Variants in ROS1 observed in about 807,000 individuals in gnomAD.
ROS1 encodes ROS proto-oncogene 1, receptor tyrosine kinase, also known as proto-oncogene tyrosine-protein kinase ROS.
In ROS1, 263 loss-of-function variants were observed where a neutral mutation model predicts 273.5. The ratio of observed to expected loss-of-function variants is 0.96; its 90% CI spans 0.87 to 1.06. ROS1 has a LOEUF of 1.06. Among genes scored for constraint, ROS1 ranks in the 50% least tolerant of loss-of-function variants. ROS1 has a pLI of 0.00. For missense variants in ROS1, 2,833 were observed against 2,751.1 expected (o/e 1.03, Z -0.67); for synonymous variants, 1,008 against 954.1 (o/e 1.06, Z -1.04).
intron 43 of ROS1, among the ~76,000 whole-genome samples, chr6:117,297,717 T>A (rs1357077640): frequency 6.6e-6 from 1 of 152,054 alleles, no homozygotes; most frequent in Non-Finnish European, 1.5e-5. Flanking sequence ...AAGTCAAAAA[T>A]AATAGATGTT....
chr6:117,304,390 G>C lies in ROS1; in HGVS notation c.6552-3253C>G, dbSNP rs182917935. 6.4e-4 allele frequency among the ~76,000 whole-genome samples: 98 copies of C among 152,288 alleles called. No homozygotes were observed. The Middle Eastern group carries it at 0.014, about 21-fold the overall frequency. ...GAAGCATTTTATTTTTGAAAATAAA[G>C]CTGTGATTCAAAAATATTGCCAAGG... On this transcript the variant is annotated intron_variant, in intron 42 of 43. Transcript: ENST00000368507.
chr6:117,368,722 G>A (rs571125413), intron 18 of ROS1, among the ~76,000 whole-genome samples: 5 of 152,004 alleles, frequency 3.3e-5, no homozygotes, highest in Admixed American at 2.6e-4. Flanking sequence ...GAGTATTTTA[G>A]AACAAGTATG....
chr6:117,389,227 T>C, intron 13 of ROS1, 123 bp downstream of exon 13: 1 of 1,122,422 alleles, frequency 8.9e-7, no homozygotes, highest in Non-Finnish European at 1.3e-6. Flanking sequence ...GCTAAGTAGC[T>C]GCTTCTGGTT....
At chr6:117,320,721 GC>G (rs1170337095) in intron 36 of ROS1, among the ~76,000 whole-genome samples, 2 of 152,074 alleles carry the variant, frequency 1.3e-5, no homozygotes, top group African/African-American at 4.8e-5. Context: ...TGAAAGCAAG[GC>G]CTATGATCAT....
chr6:117,402,361 C>A, intron 7 of ROS1, among the ~76,000 whole-genome samples: 1 of 152,058 alleles, frequency 6.6e-6, no homozygotes, highest in South Asian at 2.1e-4. Flanking sequence ...ACTTCCTTGC[C>A]TCCTTTAAGT....
intron 43 of ROS1, among the ~76,000 whole-genome samples, chr6:117,298,450 T>G (rs189426180): frequency 4.8e-4 from 73 of 152,358 alleles, no homozygotes; most frequent in African/African-American, 1.6e-3. Context: ...ACCCAGTTAC[T>G]GATGTTTTTC....
chr6:117,295,519 C>G (rs1188482777), intron 43 of ROS1, among the ~76,000 whole-genome samples: 2 of 152,024 alleles, frequency 1.3e-5, no homozygotes, highest in Non-Finnish European at 2.9e-5. Context: ...AGCTTCTTCA[C>G]AGCAAAGGAA....
chr6:117,310,960 A>G lies in ROS1; in HGVS notation c.6215+60T>C, dbSNP rs1196784025. On this transcript the variant is annotated intron_variant, in intron 40 of 43. Transcript: ENST00000368507. The stretch of plus-strand genomic sequence containing the variant: ...TAATTATCTTGTGTGCTTTACCTGC[A>G]CTACAGGTGATTATTGTGCCAATAT... 6 of 989,396 alleles carry G rather than the reference A, an allele frequency of 6.1e-6. No homozygotes were observed. The East Asian group carries it at 1.5e-4, about 24-fold the overall frequency. 61.3% of individuals were successfully genotyped at this position (989,396 alleles called of 1,614,324 possible).
At chr6:117,374,643 A>G (rs143693112) in intron 18 of ROS1, among the ~76,000 whole-genome samples, 1 of 152,392 alleles carries the variant, frequency 6.6e-6, no homozygotes, top group Non-Finnish European at 1.5e-5. Context: ...AATTAAACTA[A>G]AAAGCTTCTG....
At position 117,319,896 on chromosome 6, in the gene ROS1, C is replaced by T. The variant is rs2128558680; in HGVS notation, c.5894G>A (p.Gly1965Glu). Reference sequence around the variant, plus strand: ...CACTGCTACTTTGATTTCTCCACTTCCAACTCCTAAGATGTCCACTGCTGT... The same window carrying T: ...CACTGCTACTTTGATTTCTCCACTTTCAACTCCTAAGATGTCCACTGCTGT... Reference protein sequence around the residue: ...EGTAVDILGVGSGEIKVAVKT... With the variant: ...EGTAVDILGVESGEIKVAVKT... Residue 1965 changes from glycine (G) to glutamate (E), a missense_variant, in exon 37 of 44, where the codon GGA (glycine) becomes GAA (glutamate). Physicochemically the swap from Gly to Glu is moderately conservative, Grantham distance 98. Transcript: ENST00000368507. 6.2e-7 allele frequency: 1 copy of T among 1,613,324 alleles called. No individual in the cohort carries two copies. Among genetic ancestry groups the T allele is most frequent in the East Asian group, 2.2e-5 (1 of 44,862 alleles).
At chr6:117,366,812 G>A (rs969809218) in intron 18 of ROS1, among the ~76,000 whole-genome samples, 2 of 152,070 alleles carry the variant, frequency 1.3e-5, no homozygotes, top group Non-Finnish European at 2.9e-5. Context: ...TGTGCTCTCT[G>A]GGGGCTTTTC....
rs1779346342 is a variant in ROS1 at position 117,356,741 on chromosome 6, A to G, written c.4014T>C (p.Asp1338=). The change falls in exon 26 of 44, where the codon GAT becomes GAC. Residue 1338 remains aspartate (D), a synonymous_variant. Transcript: ENST00000368507. ...EFELSGAMAI[D]TSNLEKPLIY... is the part of the protein sequence containing the mutation. The stretch of plus-strand genomic sequence containing the variant: ...TCAATGGTTTCTCTAGGTTAGAGGT[A>G]TCAATAGCCATTGCTCCACTTAACT... The G allele has an allele frequency of 1.2e-6, 2 of 1,614,066 alleles. No homozygotes were observed. The highest frequency in any genetic ancestry group is 1.3e-5 in the African/African-American group (1 of 74,942).
rs538753644 is a variant in ROS1, at chr6:117,352,973, G to A, written c.4303+17C>T. 3.0e-5 allele frequency: 49 copies of A among 1,608,824 alleles called. No individual in the cohort carries two copies. In the South Asian group the frequency reaches 3.2e-4, roughly 11 times the overall value. ...TAAATTGGGAGAACAAGCTGATTACGAATGTGACTTTATTACCTGGAAAAG... is the reference window on the plus strand; with the variant it reads ...TAAATTGGGAGAACAAGCTGATTACAAATGTGACTTTATTACCTGGAAAAG... On this transcript the variant is annotated intron_variant, in intron 27 of 43. Transcript: ENST00000368507.
intron 36 of ROS1, 100 bp from the exon 37 acceptor site, chr6:117,320,130 T>A (rs2128559520): frequency 9.8e-7 from 1 of 1,025,382 alleles, no homozygotes; most frequent in Non-Finnish European, 1.4e-6. Context: ...GAAAGAAATA[T>A]CTCATGGCTT....
chr6:117,411,734 T>C (rs973170560), intron 4 of ROS1, among the ~76,000 whole-genome samples: 3 of 152,200 alleles, frequency 2.0e-5, no homozygotes, highest in South Asian at 2.1e-4. Context: ...ATTCATTCAT[T>C]CATTCAAGAA....
chr6:117,293,281 C>T (rs13197910), intron 43 of ROS1, among the ~76,000 whole-genome samples: 15,566 of 152,190 alleles, frequency 0.1, 977 homozygotes, highest in East Asian at 0.17. Flanking sequence ...ACAAAATCAT[C>T]TTCTCACCAA....
intron 23 of ROS1, 148 bp downstream of exon 23, chr6:117,360,194 G>T: frequency 1.3e-6 from 1 of 758,064 alleles, no homozygotes; most frequent in Non-Finnish European, 2.1e-6. Context: ...TATTTTGGTG[G>T]TGTGTTGGGG....
At chr6:117,297,894 C>A (rs552876981) in intron 43 of ROS1, among the ~76,000 whole-genome samples, 18 of 152,218 alleles carry the variant, frequency 1.2e-4, no homozygotes, top group Non-Finnish European at 2.4e-4. Context: ...GAAAAGAAAT[C>A]ATTATATCAA....
rs765186462 is a variant in ROS1, at chr6:117,326,197, A to AGT, written c.5539+25_5539+26dup. 11 of 1,444,576 alleles carry AGT rather than the reference A, an allele frequency of 7.6e-6. No individual in the cohort carries two copies. The East Asian group carries it at 2.7e-4, about 35-fold the overall frequency. 89.5% of individuals were successfully genotyped at this position (1,444,576 alleles called of 1,614,324 possible). On this transcript the variant is annotated intron_variant, in intron 34 of 43. Coordinates refer to ENST00000368507, the MANE Select transcript of ROS1 (RefSeq NM_001378902.1). ...TTACTGAACCTTTAGGTAATAAGCT[A>AGT]GTGTGTAGACAGACATGGTAACATA...
Sources: allele counts gnomAD v4.1 joint callset (sites outside exome capture counted in the v4.1 genomes callset), GRCh38; gene constraint gnomAD v4.1.1; transcripts MANE v1.5; gene names NCBI Gene and HGNC (gene_info 2026-07-23, HGNC 2026-07-21).